Variants in SV2C observed in about 807,000 individuals in gnomAD.
The protein encoded by SV2C is solute carrier family 22 member B3.
A neutral mutation model predicts 79.7 loss-of-function variants in SV2C; 49 were observed. The ratio of observed to expected loss-of-function variants is 0.61; its 90% confidence interval spans 0.49 to 0.78. SV2C has a LOEUF of 0.78. Ranked by LOEUF, SV2C falls within the 30% of genes least tolerant of loss-of-function variation. The pLI, the probability that SV2C is intolerant of heterozygous loss-of-function variation, is 0.00. For missense variants in SV2C, 833 were observed against 912.9 expected, an observed-to-expected ratio of 0.91 and a Z score of 1.13; for synonymous variants, 334 against 333.2, an observed-to-expected ratio of 1.00 and a Z score of -0.03.
chr5:76,090,082 C>T (rs1398152377), intron 1 of SV2C, among the ~76,000 whole-genome samples: 1 of 152,098 alleles, frequency 6.6e-6, no homozygotes, highest in East Asian at 1.9e-4. Context: ...AAGTATTTAC[C>T]TAATGCAAGG....
the SV2C span, among the ~76,000 whole-genome samples, chr5:75,864,619 A>G: frequency 6.6e-6 from 1 of 152,230 alleles, no homozygotes; most frequent in Admixed American, 6.5e-5. Flanking sequence ...TGAAAGCTGC[A>G]GGGGCTACAT....
Position 76,330,860 on chromosome 5 carries a change from T to TTTGGGG in SV2C, c.*5313_*5314insTTGGGG, listed in dbSNP as rs1554048529. Reference sequence around the variant, plus strand: ...CTCTAGAGCATTTTTTTTTTTTTTTTGGGCGGGGGGGCGGGGGACGGAGTC... The same window carrying TTTGGGG: ...CTCTAGAGCATTTTTTTTTTTTTTTTTTGGGGGGGCGGGGGGGCGGGGGACGGAGTC... On this transcript the variant is annotated 3_prime_UTR_variant, in exon 13 of 13. Coordinates refer to ENST00000502798, the MANE Select transcript of SV2C (RefSeq NM_014979.4). 17 of 13,620 alleles carry TTTGGGG rather than the reference T, an allele frequency of 1.2e-3. No individual in the cohort carries two copies. Among genetic ancestry groups the TTTGGGG allele is most frequent in the African/African-American group, 3.4e-3 (14 of 4,104 alleles). The allele number at this position is 13,620 out of a possible 1,614,324, so 0.8% of individuals were successfully genotyped here. A position where few individuals can be genotyped will look rare whatever the true frequency, so the allele number is the denominator to read the frequency against.
At chr5:75,900,889 C>A in the SV2C span, among the ~76,000 whole-genome samples, 1 of 152,236 alleles carries the variant, frequency 6.6e-6, no homozygotes, top group Non-Finnish European at 1.5e-5. Flanking sequence ...GCTCCCGAGG[C>A]TTCTGCATTC....
the SV2C span, among the ~76,000 whole-genome samples, chr5:75,978,998 A>G: frequency 6.0e-4 from 92 of 152,260 alleles, 1 homozygote; most frequent in African/African-American, 1.9e-3. Flanking sequence ...AAAAATAAAA[A>G]TGCAATGACA....
rs114978829 is a variant in SV2C, at chr5:76,135,589, T to C, written c.580+3259T>C. On this transcript the variant is annotated intron_variant, in intron 2 of 12. Transcript: ENST00000502798. ...CTGGCAATTAAGAGTTATTGGCTGC[T>C]GCAGACATCTCTTAAGATGAACACA... Among the ~76,000 whole-genome samples, 725 of 152,304 alleles carry C rather than the reference T, an allele frequency of 4.8e-3. 6 individuals carry two copies. The highest frequency in any genetic ancestry group is 0.017 in the African/African-American group (702 of 41,572).
At chr5:76,153,736 G>C (rs1990976) in intron 2 of SV2C, among the ~76,000 whole-genome samples, 134,082 of 152,144 alleles carry the variant, frequency 0.88, 59,248 homozygotes, top group Non-Finnish European at 0.92. Flanking sequence ...CTGATGATTT[G>C]CAGGCTTGTG....
At chr5:76,322,134 C>T (rs1748848304) in intron 12 of SV2C, among the ~76,000 whole-genome samples, 2 of 152,104 alleles carry the variant, frequency 1.3e-5, no homozygotes, top group Non-Finnish European at 2.9e-5. Context: ...TATTTAAGAC[C>T]TAGCATGTTA....
At chr5:76,001,590 G>GAA in the SV2C span, among the ~76,000 whole-genome samples, 13 of 149,390 alleles carry the variant, frequency 8.7e-5, no homozygotes, top group South Asian at 2.1e-4. Flanking sequence ...CTCCATCTCA[G>GAA]AAAAAAAAAA....
chr5:75,984,582 T>TATCTATCTATCTAC, the SV2C span, among the ~76,000 whole-genome samples: 1 of 123,120 alleles, frequency 8.1e-6, no homozygotes, highest in African/African-American at 3.1e-5. Context: ...TATCTATCTA[T>TATCTATCTATCTAC]CTATCTATCT....
the SV2C span, among the ~76,000 whole-genome samples, chr5:75,869,123 G>A: frequency 6.6e-6 from 1 of 151,980 alleles, no homozygotes; most frequent in Admixed American, 6.6e-5. Context: ...TGGGCTCTTG[G>A]GGTCCCTGAT....
rs1273444495 is a variant in SV2C at position 76,132,511 on chromosome 5, A to G, written c.580+181A>G. Among the ~76,000 whole-genome samples the G allele has an allele frequency of 2.0e-5, 3 of 152,382 alleles. No individual in the cohort carries two copies. The East Asian group carries it at 5.8e-4, about 29-fold the overall frequency. ...ATAATTGTACAGTGAACACCTGTGTATACCCACCACCTAGATTCTGTAGTT... is the reference window on the plus strand; with the variant it reads ...ATAATTGTACAGTGAACACCTGTGTGTACCCACCACCTAGATTCTGTAGTT... On this transcript the variant is annotated intron_variant, in intron 2 of 12. Coordinates refer to ENST00000502798, the MANE Select transcript of SV2C (RefSeq NM_014979.4).
At chr5:76,090,587 A>C (rs1484018276) in intron 1 of SV2C, among the ~76,000 whole-genome samples, 1 of 152,108 alleles carries the variant, frequency 6.6e-6, no homozygotes, top group South Asian at 2.1e-4. Context: ...TAAAGACTAT[A>C]TCCTTAGGTC....
In SV2C at chr5:76,182,922, T is replaced by A. The variant is rs566474139; in HGVS notation, c.581-11997T>A. ...GAAACTAGGATTGAGAGAGAGAGTG[T>A]GTGTGTGTGTGTGTATGTGAGAGAG... On this transcript the variant is annotated intron_variant, in intron 2 of 12. Coordinates refer to ENST00000502798, the MANE Select transcript of SV2C (RefSeq NM_014979.4). 7.2e-4 allele frequency among the ~76,000 whole-genome samples: 91 copies of A among 127,100 alleles called. No individual in the cohort carries two copies. The South Asian group carries it at 0.022, about 31-fold the overall frequency. 83.4% of individuals were successfully genotyped at this position (127,100 alleles called of 152,430 possible).
chr5:76,183,302 G>A (rs1249696092), intron 2 of SV2C, among the ~76,000 whole-genome samples: 4 of 151,838 alleles, frequency 2.6e-5, no homozygotes, highest in African/African-American at 9.7e-5. Flanking sequence ...TGAGATTACA[G>A]GTGTAAGCCA....
At chr5:76,026,810 C>T in the SV2C span, among the ~76,000 whole-genome samples, 170 of 152,202 alleles carry the variant, frequency 1.1e-3, 1 homozygote, top group Admixed American at 4.2e-3. Context: ...AAAGAGCAGA[C>T]GGTGCTACAA....
At chr5:75,908,700 A>T in the SV2C span, among the ~76,000 whole-genome samples, 1 of 152,176 alleles carries the variant, frequency 6.6e-6, no homozygotes, top group East Asian at 1.9e-4. Context: ...GGATTTGGTT[A>T]TGCTGACTAC....
intron 10 of SV2C, among the ~76,000 whole-genome samples, 166 bp downstream of exon 10, chr5:76,299,093 T>C (rs193285370): frequency 6.6e-6 from 1 of 152,352 alleles, no homozygotes; most frequent in Non-Finnish European, 1.5e-5. Flanking sequence ...TTGTATTGTT[T>C]GTCTTTGTCA....
the SV2C span, among the ~76,000 whole-genome samples, chr5:75,990,568 T>C: frequency 1.3e-5 from 2 of 151,984 alleles, no homozygotes; most frequent in African/African-American, 2.4e-5. Context: ...CTGCAGTTTA[T>C]ACCTGGGGTT....
chr5:76,216,010 C>CT (rs1215015601), intron 4 of SV2C, among the ~76,000 whole-genome samples: 1 of 149,588 alleles, frequency 6.7e-6, no homozygotes, highest in African/African-American at 2.4e-5. Context: ...GAGTGGGTCA[C>CT]TAAGGATTCT....
Sources: gnomAD v4.1 joint callset for allele counts (sites outside exome capture counted in the v4.1 genomes callset) on GRCh38, gnomAD v4.1.1 for gene constraint, MANE v1.5 for transcripts, NCBI Gene and HGNC (gene_info 2026-07-23, HGNC 2026-07-21) for gene names.